Variants in ALK observed in about 807,000 individuals in gnomAD.
ALK encodes ALK tyrosine kinase receptor.
In ALK, 74 loss-of-function variants were observed where a neutral mutation model predicts 163.1. The ratio of observed to expected loss-of-function variants is 0.45; its 90% CI spans 0.38 to 0.55. The LOEUF is 0.55. Among genes scored for constraint, ALK ranks in the 20% least tolerant of loss-of-function variants. ALK has a pLI of 0.00. For missense variants in ALK, 2,063 were observed against 2,105.3 expected (o/e 0.98, Z 0.39); for synonymous variants, 960 against 843.2 (o/e 1.14, Z -2.40).
At chr2:29,519,262 A>G (rs368641988) in intron 4 of ALK, among the ~76,000 whole-genome samples, 1 of 152,344 alleles carries the variant, frequency 6.6e-6, no homozygotes, top group East Asian at 1.9e-4. Context: ...TCAAAGCCAG[A>G]TGGGCTTTGG....
At chr2:29,255,252 C>T (rs546144810) in intron 11 of ALK, among the ~76,000 whole-genome samples, 1 of 152,282 alleles carries the variant, frequency 6.6e-6, no homozygotes, top group East Asian at 1.9e-4. Context: ...GTGGGCTGCT[C>T]CAGCTTCATC....
In ALK at chr2:29,326,534, G is replaced by GTT. The variant is rs1255871730; in HGVS notation, c.1414+1815_1414+1816insAA. 8.6e-3 allele frequency among the ~76,000 whole-genome samples: 1,316 copies of GTT among 152,308 alleles called. 31 individuals carry two copies. Among genetic ancestry groups the GTT allele is most frequent in the African/African-American group, 0.03 (1,228 of 41,552 alleles). On this transcript the variant is annotated intron_variant, in intron 6 of 28. Transcript: ENST00000389048. ...ACACACACACAGGCCCCTGAACAGGGCACTGTGGGCAGGACTGGCTTCACT... is the reference window on the plus strand; with the variant it reads ...ACACACACACAGGCCCCTGAACAGGGTTCACTGTGGGCAGGACTGGCTTCACT...
chr2:29,450,948 T>G (rs1670805652), intron 4 of ALK, among the ~76,000 whole-genome samples: 2 of 152,168 alleles, frequency 1.3e-5, no homozygotes, highest in Admixed American at 6.5e-5. Flanking sequence ...GGACTCCACA[T>G]TTTAATAAGC....
Position 29,901,452 on chromosome 2 carries a change from T to C in ALK, c.667+18541A>G, listed in dbSNP as rs535411027. Among the ~76,000 whole-genome samples, 12 of 152,344 alleles carry C rather than the reference T, an allele frequency of 7.9e-5. No individual in the cohort carries two copies. In the South Asian group the frequency reaches 2.5e-3, roughly 32 times the overall value. On this transcript the variant is annotated intron_variant, in intron 1 of 28. Transcript: ENST00000389048. ...ATTAAACTAAAGAAAATTCAGCTTC[T>C]GAGTGTTGCACCCGCTGTTTATGCT... is the stretch of plus-strand genomic sequence containing the variant.
intron 3 of ALK, among the ~76,000 whole-genome samples, chr2:29,536,260 G>C (rs1032634334): frequency 6.6e-6 from 1 of 151,760 alleles, no homozygotes; most frequent in Non-Finnish European, 1.5e-5. Context: ...GATCATGGGG[G>C]CAGATCCCTC....
chr2:29,198,453 C>G (rs1002452801), intron 26 of ALK, among the ~76,000 whole-genome samples: 1 of 152,176 alleles, frequency 6.6e-6, no homozygotes, highest in African/African-American at 2.4e-5. Flanking sequence ...TCCCATCCAA[C>G]AGTCAGCAGT....
intron 3 of ALK, among the ~76,000 whole-genome samples, chr2:29,563,065 T>C (rs2148184290): frequency 6.6e-6 from 1 of 152,348 alleles, no homozygotes; most frequent in Middle Eastern, 3.4e-3. Flanking sequence ...GAGGAGGGGC[T>C]ATGCTGGACT....
At chr2:29,587,612 G>A (rs1674926617) in intron 3 of ALK, among the ~76,000 whole-genome samples, 1 of 151,954 alleles carries the variant, frequency 6.6e-6, no homozygotes, top group Non-Finnish European at 1.5e-5. Flanking sequence ...TTTGCATTTG[G>A]TTTTATAGAA....
intron 11 of ALK, among the ~76,000 whole-genome samples, chr2:29,251,849 C>G (rs1419795997): frequency 6.6e-6 from 1 of 152,196 alleles, no homozygotes; most frequent in African/African-American, 2.4e-5. Flanking sequence ...CTCAGGGACC[C>G]AGGCTGGTGG....
At position 29,537,841 on chromosome 2, in the gene ALK, G is replaced by A. The variant is rs140285539; in HGVS notation, c.953-5725C>T. Among the ~76,000 whole-genome samples, 1,367 of 152,370 alleles carry A rather than the reference G, an allele frequency of 9.0e-3. 32 individuals are homozygous for A. The highest frequency in any genetic ancestry group is 0.031 in the African/African-American group (1,281 of 41,590). ...TGCCTAAGGCCCTGGGAGCCTACCC[G>A]TTGCAGCAGCGTGCCCTGGATGTGG... On this transcript the variant is annotated intron_variant, in intron 3 of 28. Coordinates refer to ENST00000389048, the MANE Select transcript of ALK (RefSeq NM_004304.5).
chr2:29,534,087 G>A (rs1389381541), intron 3 of ALK, among the ~76,000 whole-genome samples: 1 of 152,144 alleles, frequency 6.6e-6, no homozygotes, highest in Middle Eastern at 3.2e-3. Context: ...GATAGGAGGT[G>A]TAACCAGACC....
intron 3 of ALK, among the ~76,000 whole-genome samples, chr2:29,671,311 T>C (rs1287832408): frequency 1.3e-5 from 2 of 152,090 alleles, no homozygotes; most frequent in Non-Finnish European, 2.9e-5. Context: ...GAAGGCTGGC[T>C]AGCAGTTTGT....
chr2:29,367,621 C>A (rs1668537416), intron 5 of ALK, among the ~76,000 whole-genome samples: 1 of 152,224 alleles, frequency 6.6e-6, no homozygotes, highest in Non-Finnish European at 1.5e-5. Flanking sequence ...CCTTAAGCAA[C>A]TCATGCTGGG....
chr2:29,784,803 C>G (rs922412136), intron 1 of ALK, among the ~76,000 whole-genome samples: 1 of 152,148 alleles, frequency 6.6e-6, no homozygotes. Context: ...TCCAACCTAG[C>G]CTTTGCACTA....
chr2:29,262,121 G>C (rs1226245002), intron 11 of ALK, among the ~76,000 whole-genome samples: 1 of 152,208 alleles, frequency 6.6e-6, no homozygotes, highest in Non-Finnish European at 1.5e-5. Context: ...TCAGTAGATA[G>C]GGAAGGGAGA....
intron 1 of ALK, among the ~76,000 whole-genome samples, chr2:29,805,979 A>T (rs2148368141): frequency 6.6e-6 from 1 of 152,316 alleles, no homozygotes; most frequent in African/African-American, 2.4e-5. Flanking sequence ...CACATTTGAC[A>T]AGCCATGTAC....
At chr2:29,664,514 T>C (rs970768305) in intron 3 of ALK, among the ~76,000 whole-genome samples, 4 of 152,062 alleles carry the variant, frequency 2.6e-5, no homozygotes, top group Non-Finnish European at 4.4e-5. Context: ...CCTTTCCTCA[T>C]ACTCTTCTTC....
At chr2:29,449,132 T>G (rs1461291512) in intron 4 of ALK, among the ~76,000 whole-genome samples, 1 of 152,254 alleles carries the variant, frequency 6.6e-6, no homozygotes, top group African/African-American at 2.4e-5. Context: ...ATGATTTATT[T>G]ATTTGTTCAT....
chr2:29,372,210 T>C (rs1414818376), intron 5 of ALK, among the ~76,000 whole-genome samples: 2 of 152,184 alleles, frequency 1.3e-5, no homozygotes. Flanking sequence ...AACCCACCTG[T>C]TGGTACCTCT....
Sources: allele counts gnomAD v4.1 joint callset (sites outside exome capture counted in the v4.1 genomes callset), GRCh38; gene constraint gnomAD v4.1.1; transcripts MANE v1.5; gene names NCBI Gene and HGNC (gene_info 2026-07-23, HGNC 2026-07-21).